SLC24A3: variants seen among roughly 807,000 people sequenced by gnomAD.
SLC24A3 encodes sodium/potassium/calcium exchanger 3.
SLC24A3 carries 28 observed loss-of-function variants against 75.8 expected under a neutral mutation model. The ratio of observed to expected loss-of-function variants is 0.37; its 90% CI spans 0.27 to 0.51. The LOEUF is 0.51. Among genes scored for constraint, SLC24A3 ranks in the 20% least tolerant of loss-of-function variants. SLC24A3 has a pLI of 0.94. For synonymous variants in SLC24A3, 372 were observed against 334.1 expected (o/e 1.11, Z -1.24); for missense variants, 663 against 847.8 (o/e 0.78, Z 2.71).
chr20:19,378,109 G>C (rs1030623584), intron 2 of SLC24A3, among the ~76,000 whole-genome samples: 2 of 152,118 alleles, frequency 1.3e-5, no homozygotes, highest in Non-Finnish European at 2.9e-5. Flanking sequence ...AGATCTGTGT[G>C]GGTGGAGGTT....
intron 12 of SLC24A3, among the ~76,000 whole-genome samples, chr20:19,688,406 C>T (rs928562363): frequency 1.9e-4 from 29 of 152,380 alleles, no homozygotes; most frequent in African/African-American, 7.0e-4. Context: ...TTCCCCTCCA[C>T]CAGCTGCTAA....
intron 1 of SLC24A3, among the ~76,000 whole-genome samples, chr20:19,221,203 G>A (rs1000338349): frequency 2.0e-5 from 3 of 152,140 alleles, no homozygotes; most frequent in African/African-American, 7.2e-5. Flanking sequence ...GATTACAGGT[G>A]CGAGCCCTCA....
At chr20:19,712,680 C>T (rs951510902) in intron 15 of SLC24A3, among the ~76,000 whole-genome samples, 4 of 152,130 alleles carry the variant, frequency 2.6e-5, no homozygotes, top group Non-Finnish European at 5.9e-5. Context: ...CCCTACAGGC[C>T]TCTTTTCATT....
At chr20:19,698,293 C>T (rs2032834095) in intron 14 of SLC24A3, among the ~76,000 whole-genome samples, 1 of 152,228 alleles carries the variant, frequency 6.6e-6, no homozygotes, top group Non-Finnish European at 1.5e-5. Flanking sequence ...TTTGTGGGGA[C>T]ACAGACACAA....
intron 9 of SLC24A3, among the ~76,000 whole-genome samples, chr20:19,677,049 A>G (rs1057322148): frequency 6.6e-6 from 1 of 152,240 alleles, no homozygotes; most frequent in Admixed American, 6.5e-5. Context: ...AAGCTAAGTT[A>G]AGCTTAGTTT....
At chr20:19,457,073 G>A (rs192596874) in intron 2 of SLC24A3, among the ~76,000 whole-genome samples, 13 of 152,304 alleles carry the variant, frequency 8.5e-5, no homozygotes, top group Admixed American at 6.5e-4. Context: ...ACTGCAAAGG[G>A]CATCCAGAAA....
rs1208755961 is a variant in SLC24A3, at chr20:19,436,244, C to T, written c.272-79244C>T. Among the ~76,000 whole-genome samples, 8 of 152,082 alleles carry T rather than the reference C, an allele frequency of 5.3e-5. No individual in the cohort carries two copies. The East Asian group carries it at 1.4e-3, about 26-fold the overall frequency. ...CCACTAATGGAACTTCTAATTGACCCGTCCTTTTTCAACGGTTGGGAATAC... is the reference window on the plus strand; with the variant it reads ...CCACTAATGGAACTTCTAATTGACCTGTCCTTTTTCAACGGTTGGGAATAC... On this transcript the variant is annotated intron_variant, in intron 2 of 16. Transcript: ENST00000328041.
At chr20:19,313,469 C>T (rs573023891) in intron 2 of SLC24A3, among the ~76,000 whole-genome samples, 1 of 152,290 alleles carries the variant, frequency 6.6e-6, no homozygotes, top group South Asian at 2.1e-4. Context: ...GTGTCTGGTT[C>T]CTCCCCTGTT....
intron 2 of SLC24A3, among the ~76,000 whole-genome samples, chr20:19,282,140 C>G (rs905336340): frequency 6.6e-6 from 1 of 152,138 alleles, no homozygotes. Context: ...CTGTTGAGTA[C>G]AGAAGACATG....
chr20:19,475,566 G>A (rs186234712), intron 2 of SLC24A3, among the ~76,000 whole-genome samples: 3 of 152,194 alleles, frequency 2.0e-5, no homozygotes, highest in Non-Finnish European at 4.4e-5. Flanking sequence ...GAAACTAATA[G>A]TTCTTCCAGT....
chr20:19,478,978 A>G (rs1246694459), intron 2 of SLC24A3, among the ~76,000 whole-genome samples: 2 of 152,194 alleles, frequency 1.3e-5, no homozygotes, highest in Non-Finnish European at 2.9e-5. Flanking sequence ...TCTTGTTCTC[A>G]CACGGGCTGT....
chr20:19,721,117 C>G lies in SLC24A3; in HGVS notation c.1912C>G (p.Leu638Val). 6.2e-7 allele frequency: 1 copy of G among 1,614,146 alleles called. No individual in the cohort carries two copies. The highest frequency in any genetic ancestry group is 1.3e-5 in the African/African-American group (1 of 75,046). The change falls in exon 17 of 17, where the codon CTG becomes GTG. Residue 638 changes from leucine to valine, a missense_variant. Coordinates refer to ENST00000328041, the MANE Select transcript of SLC24A3 (RefSeq NM_020689.4). ...TEFNVFTFVN[L>V]PMCGDH ...GTTCAACGTGTTCACCTTTGTGAAC[C>G]TGCCCATGTGCGGGGACCACTGAGC...
At chr20:19,531,554 A>G (rs2030299488) in intron 3 of SLC24A3, among the ~76,000 whole-genome samples, 1 of 152,342 alleles carries the variant, frequency 6.6e-6, no homozygotes, top group Middle Eastern at 3.4e-3. Flanking sequence ...TCCCTATTTT[A>G]TAAATGAGTA....
At chr20:19,238,281 G>T (rs1053443401) in intron 1 of SLC24A3, among the ~76,000 whole-genome samples, 1 of 152,152 alleles carries the variant, frequency 6.6e-6, no homozygotes, top group Non-Finnish European at 1.5e-5. Flanking sequence ...TGAATGTTAT[G>T]CTTGTGAGAT....
At chr20:19,325,795 T>TAGAGAG (rs745745496) in intron 2 of SLC24A3, among the ~76,000 whole-genome samples, 123 of 67,796 alleles carry the variant, frequency 1.8e-3, no homozygotes, top group Non-Finnish European at 2.4e-3. Context: ...TATATATATA[T>TAGAGAG]AGAGAGAGAG....
chr20:19,479,761 C>T (rs1053251805), intron 2 of SLC24A3, among the ~76,000 whole-genome samples: 5 of 152,226 alleles, frequency 3.3e-5, no homozygotes, highest in African/African-American at 1.2e-4. Flanking sequence ...GGGGCATTAA[C>T]CCCTAGCTCT....
chr20:19,476,772 C>T (rs1424191772), intron 2 of SLC24A3, among the ~76,000 whole-genome samples: 1 of 152,024 alleles, frequency 6.6e-6, no homozygotes, highest in African/African-American at 2.4e-5. Flanking sequence ...TTATGGGAAC[C>T]CAGGCAGGGC....
At chr20:19,662,586 G>A (rs1240076129) in intron 7 of SLC24A3, among the ~76,000 whole-genome samples, 1 of 152,254 alleles carries the variant, frequency 6.6e-6, no homozygotes, top group Non-Finnish European at 1.5e-5. Flanking sequence ...GCACCACTTA[G>A]TGGTCATTTG....
At chr20:19,231,578 T>C (rs1982024704) in intron 1 of SLC24A3, among the ~76,000 whole-genome samples, 1 of 152,182 alleles carries the variant, frequency 6.6e-6, no homozygotes, top group African/African-American at 2.4e-5. Flanking sequence ...CTCCAGGAGC[T>C]GGACAAGGCA....
Sources: gnomAD v4.1 joint callset for allele counts (sites outside exome capture counted in the v4.1 genomes callset) on GRCh38, gnomAD v4.1.1 for gene constraint, MANE v1.5 for transcripts, NCBI Gene and HGNC (gene_info 2026-07-23, HGNC 2026-07-21) for gene names.